The following ELP3 variants were observed in gnomAD, a reference collection of about 807,000 sequenced individuals.
The protein encoded by ELP3 is elongator complex protein 3.
In ELP3, 56 loss-of-function variants were observed where a neutral mutation model predicts 74.9. The ratio of observed to expected loss-of-function variants is 0.75; its 90% CI spans 0.60 to 0.93. ELP3 has a LOEUF of 0.93. ELP3 is among the 40% of genes least tolerant of loss of function. The pLI, the probability that ELP3 is intolerant of heterozygous loss-of-function variation, is 0.00. For missense variants in ELP3, 573 were observed against 686.5 expected (o/e 0.83, Z 1.85); for synonymous variants, 222 against 239.8 (o/e 0.93, Z 0.68).
At chr8:28,091,711 G>A (rs1045014997), upstream of ELP3, among the ~76,000 whole-genome samples, 1 of 152,170 alleles carries the variant, frequency 6.6e-6, no homozygotes, top group Admixed American at 6.5e-5. Context: ...TTTTTCTGGA[G>A]AACGTAAACC....
At chr8:28,167,429 G>A (rs186185721) in intron 14 of ELP3, among the ~76,000 whole-genome samples, 3 of 152,136 alleles carry the variant, frequency 2.0e-5, no homozygotes, top group Admixed American at 6.5e-5. Flanking sequence ...ACCTTCACCT[G>A]TCTCTCAGGC....
At chr8:28,090,335 G>A, upstream of ELP3, 1 of 388,346 alleles carries the variant, frequency 2.6e-6, no homozygotes, top group Non-Finnish European at 5.1e-6. Flanking sequence ...ATAGTCTGGT[G>A]AGTGTAGTGC....
At chr8:28,142,419 T>G (rs551085584) in intron 10 of ELP3, among the ~76,000 whole-genome samples, 1 of 152,188 alleles carries the variant, frequency 6.6e-6, no homozygotes, top group South Asian at 2.1e-4. Flanking sequence ...ACATCACTTA[T>G]GGAGCTTGTG....
At chr8:28,106,272 G>A (rs1353024694) in intron 3 of ELP3, among the ~76,000 whole-genome samples, 1 of 152,102 alleles carries the variant, frequency 6.6e-6, no homozygotes, top group South Asian at 2.1e-4. Context: ...CGGGCGCGGT[G>A]GCTCACGCCT....
intron 3 of ELP3, among the ~76,000 whole-genome samples, chr8:28,106,430 C>T (rs1811692354): frequency 6.6e-6 from 1 of 150,410 alleles, no homozygotes; most frequent in African/African-American, 2.4e-5. Context: ...GTCCCAGCTA[C>T]CTGGGAGGCT....
At chr8:28,130,170 G>A (rs1388270845) in intron 8 of ELP3, among the ~76,000 whole-genome samples, 3 of 152,180 alleles carry the variant, frequency 2.0e-5, no homozygotes, top group East Asian at 1.9e-4. Flanking sequence ...CCCTCTAGAA[G>A]TATATCTTTT....
chr8:28,183,350 G>A (rs1419889751), intron 14 of ELP3: 1 of 401,410 alleles, frequency 2.5e-6, no homozygotes, highest in Non-Finnish European at 5.0e-6. Flanking sequence ...TAGGGAAAAG[G>A]TCATGTAGGA....
At chr8:28,174,996 T>C (rs1814685279) in intron 14 of ELP3, among the ~76,000 whole-genome samples, 1 of 152,192 alleles carries the variant, frequency 6.6e-6, no homozygotes, top group African/African-American at 2.4e-5. Context: ...CTCCATAGTT[T>C]CTAATATCAG....
chr8:28,104,343 A>G (rs1306738376), intron 3 of ELP3, among the ~76,000 whole-genome samples: 32 of 152,158 alleles, frequency 2.1e-4, no homozygotes, highest in Admixed American at 2.1e-3. Flanking sequence ...AATATAGACA[A>G]TTAGGTCCAT....
chr8:28,090,904 C>CTT (rs71222535), upstream of ELP3, among the ~76,000 whole-genome samples: 31 of 77,370 alleles, frequency 4.0e-4, no homozygotes, highest in Non-Finnish European at 7.2e-4. Flanking sequence ...TAAATGTTTC[C>CTT]TTTTTTTTTT....
Position 28,189,839 on chromosome 8 carries a change from C to T in ELP3, c.*114C>T, listed in dbSNP as rs1815388737. The T allele has an allele frequency of 8.8e-7, 1 of 1,131,888 alleles. No homozygotes were observed. The highest frequency in any genetic ancestry group is 1.3e-6 in the Non-Finnish European group (1 of 772,534). 70.1% of individuals were successfully genotyped at this position (1,131,888 alleles called of 1,614,324 possible). On this transcript the variant is annotated 3_prime_UTR_variant, in exon 15 of 15. Transcript: ENST00000256398. ...CAGAGCAAATGGGGGGCTTCACCCT[C>T]ATCCCGCAGCTGCAGAGACTGGAAA...
rs1384406882 is a variant in ELP3, at chr8:28,158,418, T to C, written c.1192-150T>C. The C allele has an allele frequency of 9.4e-6, 6 of 637,040 alleles. No individual in the cohort carries two copies. The African/African-American group carries it at 1.1e-4, about 12-fold the overall frequency. 39.5% of individuals were successfully genotyped at this position (637,040 alleles called of 1,614,324 possible). ...GGTTTTATTTTGAAATTCAGCTCTTTTATCTCACTGCAAGTTATATGCAAA... is the reference window on the plus strand; with the variant it reads ...GGTTTTATTTTGAAATTCAGCTCTTCTATCTCACTGCAAGTTATATGCAAA... On this transcript the variant is annotated intron_variant, in intron 11 of 14. Coordinates refer to ENST00000256398, the MANE Select transcript of ELP3 (RefSeq NM_018091.6).
chr8:28,146,208 G>A (rs1003950640), intron 10 of ELP3, among the ~76,000 whole-genome samples: 1 of 152,186 alleles, frequency 6.6e-6, no homozygotes, highest in South Asian at 2.1e-4. Context: ...CCTGAAGGGT[G>A]CAGTCAATGA....
chr8:28,097,631 C>T (rs1023354358), intron 2 of ELP3, among the ~76,000 whole-genome samples: 3 of 152,030 alleles, frequency 2.0e-5, no homozygotes, highest in South Asian at 2.1e-4. Flanking sequence ...CTCCTGACCT[C>T]GTGATCTGCC....
chr8:28,092,449 G>A (rs1453551141), upstream of ELP3, among the ~76,000 whole-genome samples: 1 of 152,148 alleles, frequency 6.6e-6, no homozygotes, highest in Non-Finnish European at 1.5e-5. Flanking sequence ...GGGTGGTCTT[G>A]AATGCCAGAC....
rs1811883369 is a variant in ELP3, at chr8:28,110,675, T to C, written c.462+237T>C. ...AGGGTTTTATATTCTCTAAGTTTTTTTGAATTTGTAGAAAGTCATTTGTAG... is the reference window on the plus strand; with the variant it reads ...AGGGTTTTATATTCTCTAAGTTTTTCTGAATTTGTAGAAAGTCATTTGTAG... On this transcript the variant is annotated intron_variant, in intron 6 of 14. Coordinates refer to ENST00000256398, the MANE Select transcript of ELP3 (RefSeq NM_018091.6). 4 of 393,234 alleles carry C rather than the reference T, an allele frequency of 1.0e-5. No individual in the cohort carries two copies. The South Asian group carries it at 1.2e-4, about 12-fold the overall frequency. The allele number at this position is 393,234 out of a possible 1,614,324, so 24.4% of individuals were successfully genotyped here.
chr8:28,092,727 C>G (rs868586998), upstream of ELP3: 11 of 228,484 alleles, frequency 4.8e-5, no homozygotes, highest in Middle Eastern at 1.8e-3. Context: ...TCTTCCAGGC[C>G]CTCAGTTAGT....
chr8:28,117,559 A>G (rs983183671), intron 7 of ELP3, among the ~76,000 whole-genome samples: 2 of 152,184 alleles, frequency 1.3e-5, no homozygotes, highest in Non-Finnish European at 2.9e-5. Context: ...ATAAAAATTT[A>G]TATATGATTT....
At chr8:28,159,886 G>C (rs987004070) in intron 12 of ELP3, among the ~76,000 whole-genome samples, 1 of 152,190 alleles carries the variant, frequency 6.6e-6, no homozygotes, top group Non-Finnish European at 1.5e-5. Context: ...TGAGAGCTAC[G>C]CATGAGACGT....
Sources: gnomAD v4.1 joint callset for allele counts (sites outside exome capture counted in the v4.1 genomes callset) on GRCh38, gnomAD v4.1.1 for gene constraint, MANE v1.5 for transcripts, NCBI Gene and HGNC (gene_info 2026-07-23, HGNC 2026-07-21) for gene names.